Variants in MGAT4B observed in about 807,000 individuals in gnomAD.
The protein encoded by MGAT4B is alpha-1,3-mannosyl-glycoprotein 4-beta-N-acetylglucosaminyltransferase B, also known as N-acetylglucosaminyltransferase IVb.
MGAT4B carries 38 observed loss-of-function variants against 73.9 expected under a neutral mutation model. That is an observed-to-expected ratio of 0.51 (90% CI 0.40 to 0.67). The LOEUF (loss-of-function observed/expected upper bound fraction) is 0.67. Ranked by LOEUF, MGAT4B falls within the 30% of genes least tolerant of loss-of-function variation. The pLI, the probability that MGAT4B is intolerant of heterozygous loss-of-function variation, is 0.00. For synonymous variants in MGAT4B, 373 were observed against 313.5 expected (o/e 1.19, Z -2.01); for missense variants, 686 against 735.2 (o/e 0.93, Z 0.77).
At position 179,806,700 on chromosome 5, in the gene MGAT4B, TCGGGGAGGGG is replaced by T. The variant is rs1168363968; in HGVS notation, c.-127_-118del. The T allele has an allele frequency of 1.4e-5, 2 of 138,148 alleles. No homozygotes were observed. The highest frequency in any genetic ancestry group is 2.6e-4 in the South Asian group (1 of 3,902). 8.6% of individuals were successfully genotyped at this position (138,148 alleles called of 1,614,324 possible). A position where few individuals can be genotyped will look rare whatever the true frequency, so the allele number is the denominator to read the frequency against. On this transcript the variant is annotated 5_prime_UTR_variant, in exon 1 of 15. Transcript: ENST00000292591. The surrounding 1 kb of genome is among the most constrained non-coding windows in gnomAD (Gnocchi z 4.6). ...CGGCGGCAGGGGCCCCGGCCCCGGGTCGGGGAGGGGCGGGGGGCCCGGGGCCGGGCGGGGA... is the reference window on the plus strand; with the variant it reads ...CGGCGGCAGGGGCCCCGGCCCCGGGTCGGGGGGCCCGGGGCCGGGCGGGGA...
rs193265226 is a variant in MGAT4B, at chr5:179,799,909, G to A, written c.910+45C>T. 6.9e-5 allele frequency: 105 copies of A among 1,522,064 alleles called. 1 individual carries two copies. Among genetic ancestry groups the A allele is most frequent in the Admixed American group, 4.2e-4 (25 of 59,820 alleles). 94.3% of individuals were successfully genotyped at this position (1,522,064 alleles called of 1,614,324 possible). A position where few individuals can be genotyped will look rare whatever the true frequency, so the allele number is the denominator to read the frequency against. On this transcript the variant is annotated intron_variant, in intron 8 of 14. Coordinates refer to ENST00000292591, the MANE Select transcript of MGAT4B (RefSeq NM_014275.5). ...GGGACTGGGAGAGAGGATGGCAGAGGCAGGTGGGACTGAAAGGCACCGTCA... is the reference window on the plus strand; with the variant it reads ...GGGACTGGGAGAGAGGATGGCAGAGACAGGTGGGACTGAAAGGCACCGTCA...
rs1757152954 is a variant in MGAT4B, at chr5:179,806,329, A to G, written c.97+158T>C. ...GAGAACGCCGCGGCTCCAGCAGCAA[A>G]CAAGTGGGGGAGGGTGGGAGGGGCG... On this transcript the variant is annotated intron_variant, in intron 1 of 14. Coordinates refer to ENST00000292591, the MANE Select transcript of MGAT4B (RefSeq NM_014275.5). The surrounding 1 kb of genome is among the most constrained non-coding windows in gnomAD (Gnocchi z 4.6). 2 of 224,870 alleles carry G rather than the reference A, an allele frequency of 8.9e-6. No homozygotes were observed. The highest frequency in any genetic ancestry group is 3.9e-4 in the South Asian group (2 of 5,076). The allele number at this position is 224,870 out of a possible 1,614,324, so 13.9% of individuals were successfully genotyped here.
In MGAT4B at chr5:179,801,120, G is replaced by A. The variant is rs1756904490; in HGVS notation, c.559-167C>T. Reference sequence around the variant, plus strand: ...CCCAGAGACGGCCCTTTCCCTTTGGGACTCGCATGGCCAAGGACTAGGGGG... The same window carrying A: ...CCCAGAGACGGCCCTTTCCCTTTGGAACTCGCATGGCCAAGGACTAGGGGG... On this transcript the variant is annotated intron_variant, in intron 4 of 14. Transcript: ENST00000292591. The surrounding 1 kb of genome is among the most constrained non-coding windows in gnomAD (Gnocchi z 4.8). The A allele has an allele frequency of 2.7e-6, 3 of 1,130,912 alleles. No homozygotes were observed. The highest frequency in any genetic ancestry group is 2.4e-5 in the Admixed American group (1 of 42,436). The allele number at this position is 1,130,912 out of a possible 1,614,324, so 70.1% of individuals were successfully genotyped here.
At chr5:179,799,365 G>A (rs571178442) in intron 9 of MGAT4B, 55 bp from the exon 10 acceptor site, 30 of 1,602,894 alleles carry the variant, frequency 1.9e-5, no homozygotes, top group South Asian at 7.7e-5. Flanking sequence ...TCCTCAACAC[G>A]GCCTCTCCTG....
rs1423166049 is a variant in MGAT4B, at chr5:179,797,942, C to A, written c.*103G>T. ...CCCAAGCCCGACGCCAGGCAGAACCCTTTGGGCGGGGCCGTATCTGGCCCT... is the reference window on the plus strand; with the variant it reads ...CCCAAGCCCGACGCCAGGCAGAACCATTTGGGCGGGGCCGTATCTGGCCCT... On this transcript the variant is annotated 3_prime_UTR_variant, in exon 15 of 15. Coordinates refer to ENST00000292591, the MANE Select transcript of MGAT4B (RefSeq NM_014275.5). 1.3e-6 allele frequency: 2 copies of A among 1,484,836 alleles called. No individual in the cohort carries two copies. Among genetic ancestry groups the A allele is most frequent in the African/African-American group, 2.8e-5 (2 of 71,640 alleles). 92.0% of individuals were successfully genotyped at this position (1,484,836 alleles called of 1,614,324 possible). A position where few individuals can be genotyped will look rare whatever the true frequency, so the allele number is the denominator to read the frequency against.
At position 179,800,085 on chromosome 5, in the gene MGAT4B, G is replaced by C; in HGVS notation, c.796-17C>G. 3 of 1,612,884 alleles carry C rather than the reference G, an allele frequency of 1.9e-6. No homozygotes were observed. The highest frequency in any genetic ancestry group is 2.5e-6 in the Non-Finnish European group (3 of 1,178,986). ...ATCCTCCAGCTGCGAGGTGAGCAGA[G>C]AGGGGCTGGGGCTGAGGAAGGGCAC... On this transcript the variant is annotated splice_polypyrimidine_tract_variant and intron_variant, in intron 7 of 14. Transcript: ENST00000292591.
At chr5:179,800,974 C>G in intron 4 of MGAT4B, 21 bp from the exon 5 acceptor site, 1 of 1,613,702 alleles carries the variant, frequency 6.2e-7, no homozygotes, top group Non-Finnish European at 8.5e-7. Context: ...ACCAAGCACC[C>G]TCCCTTAGCC....
intron 1 of MGAT4B, chr5:179,802,456 G>A (rs1317758487): frequency 4.7e-6 from 5 of 1,054,594 alleles, no homozygotes; most frequent in East Asian, 1.5e-4. Flanking sequence ...TTAGCCTCAC[G>A]ATGGCCCCGG....
chr5:179,801,145 G>A lies in MGAT4B; in HGVS notation c.558+189C>T, dbSNP rs1349254457. 2 of 1,149,860 alleles carry A rather than the reference G, an allele frequency of 1.7e-6. No individual in the cohort carries two copies. Among genetic ancestry groups the A allele is most frequent in the African/African-American group, 1.6e-5 (1 of 64,408 alleles). The allele number at this position is 1,149,860 out of a possible 1,614,324, so 71.2% of individuals were successfully genotyped here. On this transcript the variant is annotated intron_variant, in intron 4 of 14. Coordinates refer to ENST00000292591, the MANE Select transcript of MGAT4B (RefSeq NM_014275.5). The surrounding 1 kb of genome is among the most constrained non-coding windows in gnomAD (Gnocchi z 4.8). ...GACTCGCATGGCCAAGGACTAGGGG[G>A]TGGCGGGGGCGATGGGTAGGGGTAG...
chr5:179,801,793 G>C lies in MGAT4B; in HGVS notation c.274C>G (p.Arg92Gly). ...RDGDGNRTWG[R>G]LTEDPRLKPW... Reference sequence around the variant, plus strand: ...CCGCCCCAGACCTCACCTGTTAGGCGGCCCCAGGTGCGATTGCCGTCTCCG... The same window carrying C: ...CCGCCCCAGACCTCACCTGTTAGGCCGCCCCAGGTGCGATTGCCGTCTCCG... Residue 92 changes from arginine (R) to glycine (G), a missense_variant, in exon 2 of 15, where the codon CGC (arginine) becomes GGC (glycine). Transcript: ENST00000292591. This position sits in a 1 kb window ranked among gnomAD's most constrained non-coding sequence, Gnocchi z 4.8. 1 of 1,584,898 alleles carries C rather than the reference G, an allele frequency of 6.3e-7. No homozygotes were observed. Among genetic ancestry groups the C allele is most frequent in the South Asian group, 1.1e-5 (1 of 89,482 alleles).
In MGAT4B at chr5:179,806,444, G is replaced by C; in HGVS notation, c.97+43C>G. ...CGCCGGGCCCGCTCCCGCCGCCGAC[G>C]CCCAGGTGCGCCAGGTGCGGGCCGG... On this transcript the variant is annotated intron_variant, in intron 1 of 14. Transcript: ENST00000292591. This position sits in a 1 kb window ranked among gnomAD's most constrained non-coding sequence, Gnocchi z 4.6. The C allele has an allele frequency of 8.5e-7, 1 of 1,170,370 alleles. No individual in the cohort carries two copies. The allele number at this position is 1,170,370 out of a possible 1,614,324, so 72.5% of individuals were successfully genotyped here.
Position 179,806,622 on chromosome 5 carries a change from T to C in MGAT4B, c.-39A>G. 4 of 1,126,408 alleles carry C rather than the reference T, an allele frequency of 3.6e-6. No homozygotes were observed. Among genetic ancestry groups the C allele is most frequent in the Non-Finnish European group, 4.5e-6 (4 of 885,532 alleles). The allele number at this position is 1,126,408 out of a possible 1,614,324, so 69.8% of individuals were successfully genotyped here. On this transcript the variant is annotated 5_prime_UTR_variant, in exon 1 of 15. Coordinates refer to ENST00000292591, the MANE Select transcript of MGAT4B (RefSeq NM_014275.5). The surrounding 1 kb of genome is among the most constrained non-coding windows in gnomAD (Gnocchi z 4.6). ...CGGCGGGCGCCCGCGGGGCCGAGGC[T>C]GCATGGCCCGGGGGACCGGGGCCGG...
chr5:179,798,788 T>C (rs1332514514), intron 11 of MGAT4B, 140 bp downstream of exon 11: 3 of 1,139,268 alleles, frequency 2.6e-6, no homozygotes, highest in Non-Finnish European at 3.8e-6. Flanking sequence ...CCTGACTTAG[T>C]CCTCACAAGG....
Position 179,799,650 on chromosome 5 carries a change from G to C in MGAT4B, c.911-14C>G. 1 of 1,613,366 alleles carries C rather than the reference G, an allele frequency of 6.2e-7. No individual in the cohort carries two copies. Among genetic ancestry groups the C allele is most frequent in the Non-Finnish European group, 8.5e-7 (1 of 1,179,982 alleles). On this transcript the variant is annotated splice_polypyrimidine_tract_variant and intron_variant, in intron 8 of 14. Transcript: ENST00000292591. Reference sequence around the variant, plus strand: ...TGAACATCTTACCTGGTGGGGAGGGGCCTGAGTGGGCAGTGCTGCTCTGCC... The same window carrying C: ...TGAACATCTTACCTGGTGGGGAGGGCCCTGAGTGGGCAGTGCTGCTCTGCC...
chr5:179,801,436 C>A lies in MGAT4B; in HGVS notation c.456G>T (p.Arg152=). The A allele has an allele frequency of 6.2e-7, 1 of 1,610,016 alleles. No homozygotes were observed. The highest frequency in any genetic ancestry group is 1.7e-5 in the Admixed American group (1 of 59,970). The change falls in exon 4 of 15, where the codon CGG becomes CGT. Residue 152 remains arginine (R), a synonymous_variant. Transcript: ENST00000292591. This position sits in a 1 kb window ranked among gnomAD's most constrained non-coding sequence, Gnocchi z 4.8. The part of the protein sequence containing the change: ...VSVVMGIPSV[R]REVHSYLTDT... ...CAGTCAGGTACGAGTGCACCTCGCGCCGCACGCTCGGGATGCCCATCACCA... is the reference window on the plus strand; with the variant it reads ...CAGTCAGGTACGAGTGCACCTCGCGACGCACGCTCGGGATGCCCATCACCA...
At chr5:179,805,823 G>A (rs1757125711) in intron 1 of MGAT4B, among the ~76,000 whole-genome samples, 1 of 152,206 alleles carries the variant, frequency 6.6e-6, no homozygotes, top group Admixed American at 6.5e-5. Context: ...ACCGGCCAGC[G>A]GGGCGGCGCG....
rs1258618170 is a variant in MGAT4B, at chr5:179,801,700, T to C, written c.284-6A>G. The C allele has an allele frequency of 6.2e-7, 1 of 1,607,660 alleles. No individual in the cohort carries two copies. The highest frequency in any genetic ancestry group is 1.3e-5 in the African/African-American group (1 of 74,898). On this transcript the variant is annotated splice_region_variant and splice_polypyrimidine_tract_variant and intron_variant, in intron 2 of 14. Coordinates refer to ENST00000292591, the MANE Select transcript of MGAT4B (RefSeq NM_014275.5). The surrounding 1 kb of genome is among the most constrained non-coding windows in gnomAD (Gnocchi z 4.8). ...CGGCTTCAATCGGGGGTCCTCTGGG[T>C]GGGTCGGGAAGGATCGGGACTGAGA... is the stretch of plus-strand genomic sequence containing the variant.
chr5:179,800,212 G>A lies in MGAT4B; in HGVS notation c.767C>T (p.Ala256Val), dbSNP rs1306844330. The A allele has an allele frequency of 6.2e-6, 10 of 1,613,466 alleles. No individual in the cohort carries two copies. Among genetic ancestry groups the A allele is most frequent in the African/African-American group, 4.0e-5 (3 of 74,894 alleles). The change falls in exon 7 of 15, where the codon GCG becomes GTG. Residue 256 changes from alanine to valine, a missense_variant. Physicochemically the swap from Ala to Val is moderately conservative, Grantham distance 64. Transcript: ENST00000292591. ...NLDYCFLMMYAQSKGIYYVQL... is the reference protein window; with the variant it reads ...NLDYCFLMMYVQSKGIYYVQL... ...CACGTAGTAGATGCCTTTGGACTGC[G>A]CGTACATCATGAGGAAGCAGTAATC...
At chr5:179,799,163 C>G (rs768151436) in intron 10 of MGAT4B, 40 bp downstream of exon 10, 1 of 1,613,982 alleles carries the variant, frequency 6.2e-7, no homozygotes, top group South Asian at 1.1e-5. Context: ...TGGGCCCCGA[C>G]CTTGATCCCG....
Sources: gnomAD v4.1 joint callset for allele counts (sites outside exome capture counted in the v4.1 genomes callset) on GRCh38, gnomAD v4.1.1 for gene constraint, Gnocchi (gnomAD v3.1) non-coding constraint, MANE v1.5 for transcripts, NCBI Gene and HGNC (gene_info 2026-07-23, HGNC 2026-07-21) for gene names.